The following FANCA variants were observed in gnomAD, a reference collection of about 807,000 sequenced individuals.
FANCA encodes FA complementation group A, also known as Fanconi anemia group A protein.
Under a neutral mutation model 194.3 loss-of-function variants are expected in FANCA, and 236 were observed. That is an observed-to-expected ratio of 1.21 (90% CI 1.09 to 1.35). FANCA has a LOEUF of 1.35. Among genes scored for constraint, FANCA ranks in the 40% most tolerant of loss-of-function variants. The pLI, the probability that FANCA is intolerant of heterozygous loss-of-function variation, is 0.00. For synonymous variants in FANCA, 1,014 were observed against 715.8 expected, an observed-to-expected ratio of 1.42 and a Z score of -6.65; for missense variants, 2,628 against 1,813.9, an observed-to-expected ratio of 1.45 and a Z score of -8.15.
At chr16:89,767,032 G>A in intron 27 of FANCA, 109 bp downstream of exon 27, 1 of 889,712 alleles carries the variant, frequency 1.1e-6, no homozygotes, top group Non-Finnish European at 1.9e-6. Flanking sequence ...CCCAGGAGCT[G>A]CCCCTGAGAT....
chr16:89,756,632 A>C (rs2038776254), intron 30 of FANCA, among the ~76,000 whole-genome samples: 1 of 152,142 alleles, frequency 6.6e-6, no homozygotes, highest in South Asian at 2.1e-4. Flanking sequence ...AATAAATATA[A>C]ATAAGACAAA....
intron 17 of FANCA, 52 bp from the exon 18 acceptor site, chr16:89,780,009 A>C: frequency 6.5e-7 from 1 of 1,528,206 alleles, no homozygotes; most frequent in Non-Finnish European, 9.1e-7. Context: ...TTTAAAGAAA[A>C]GACTGAGCAG....
intron 8 of FANCA, among the ~76,000 whole-genome samples, chr16:89,801,451 C>CA (rs1470774884): frequency 5.3e-5 from 8 of 151,048 alleles, no homozygotes; most frequent in African/African-American, 2.0e-4. Flanking sequence ...ATCAAGAAAA[C>CA]AAAAAATAAC....
intron 2 of FANCA, 48 bp from the exon 3 acceptor site, chr16:89,814,661 G>T: frequency 7.0e-7 from 1 of 1,426,138 alleles, no homozygotes; most frequent in Non-Finnish European, 9.9e-7. Flanking sequence ...TCAAGCTCCA[G>T]GCCAGGCGTA....
intron 36 of FANCA, among the ~76,000 whole-genome samples, chr16:89,744,305 A>T (rs1182069169): frequency 2.0e-5 from 3 of 152,202 alleles, no homozygotes; most frequent in Non-Finnish European, 4.4e-5. Flanking sequence ...AGGAGGCAGG[A>T]TGGGTACTAG....
At chr16:89,816,217 G>A in intron 1 of FANCA, 2 of 527,722 alleles carry the variant, frequency 3.8e-6, no homozygotes, top group East Asian at 7.0e-5. Context: ...GGGGACGGCT[G>A]GCGAGGGGCG....
rs1193557421 is a variant in FANCA at position 89,799,231 on chromosome 16, A to T, written c.828T>A (p.Phe276Leu). Reference sequence around the variant, plus strand: ...CTCCAGCAGCCAAAGCGTCAAGTGCAACTGAAGACAGAGCCAGGAACAGAA... The same window carrying T: ...CTCCAGCAGCCAAAGCGTCAAGTGCTACTGAAGACAGAGCCAGGAACAGAA... ...TVDVLQRMLI[F>L]ALDALAAGVQ... Residue 276 changes from phenylalanine (F) to leucine (L), a missense_variant and splice_region_variant, in exon 10 of 43, where the codon TTT becomes TTA. Phe to Leu is a conservative substitution (Grantham distance 22, BLOSUM62 0). Coordinates refer to ENST00000389301, the MANE Select transcript of FANCA (RefSeq NM_000135.4). The T allele has an allele frequency of 6.2e-7, 1 of 1,614,104 alleles. No homozygotes were observed. Among genetic ancestry groups the T allele is most frequent in the Non-Finnish European group, 8.5e-7 (1 of 1,180,046 alleles).
chr16:89,748,328 G>A (rs2143123582), intron 33 of FANCA, among the ~76,000 whole-genome samples: 1 of 152,342 alleles, frequency 6.6e-6, no homozygotes, highest in African/African-American at 2.4e-5. Flanking sequence ...CATGAAGCAT[G>A]TTGAGATTAG....
intron 35 of FANCA, among the ~76,000 whole-genome samples, chr16:89,746,307 G>A (rs943379292): frequency 4.6e-5 from 7 of 152,324 alleles, no homozygotes; most frequent in Admixed American, 4.6e-4. Context: ...CTGTGGACAT[G>A]AAGGTGCCCG....
intron 37 of FANCA, among the ~76,000 whole-genome samples, chr16:89,742,561 G>A (rs1362289779): frequency 1.3e-5 from 2 of 150,372 alleles, no homozygotes; most frequent in South Asian, 2.1e-4. Context: ...TGTAATCCCA[G>A]CACTTTGGGA....
rs746125523 is a variant in FANCA at position 89,814,538 on chromosome 16, G to A, written c.265C>T (p.His89Tyr). ...DCDSSEAYAN[H>Y]SSSFIGSALQ... ...AACTTACCTATAAATGAACTAGAAT[G>A]ATTAGCATAGGCCTCAGAACTGTCA... The change falls in exon 3 of 43, where the codon CAT (histidine) becomes TAT (tyrosine). Residue 89 changes from histidine (H) to tyrosine (Y), a missense_variant. Coordinates refer to ENST00000389301, the MANE Select transcript of FANCA (RefSeq NM_000135.4). The A allele has an allele frequency of 1.4e-5, 22 of 1,612,394 alleles. No individual in the cohort carries two copies. In the Admixed American group the frequency reaches 2.7e-4, roughly 20 times the overall value.
chr16:89,740,473 A>G (rs938178257), intron 38 of FANCA: 4 of 458,238 alleles, frequency 8.7e-6, no homozygotes, highest in Non-Finnish European at 1.6e-5. Flanking sequence ...CGTCTCTACT[A>G]AAAATACAAA....
intron 3 of FANCA, among the ~76,000 whole-genome samples, chr16:89,812,887 G>A (rs936946992): frequency 2.0e-5 from 3 of 151,364 alleles, no homozygotes; most frequent in Non-Finnish European, 4.4e-5. Context: ...ACAAAAATTA[G>A]CTGGGTGCGG....
At chr16:89,759,986 C>G (rs3819573) in intron 29 of FANCA, among the ~76,000 whole-genome samples, 8,341 of 149,782 alleles carry the variant, frequency 0.056, 360 homozygotes, top group East Asian at 0.21. Flanking sequence ...CCCACGCTGT[C>G]CGGGACCGGG....
intron 41 of FANCA, 59 bp from the exon 42 acceptor site, chr16:89,739,033 G>A (rs1388883287): frequency 1.9e-6 from 3 of 1,614,054 alleles, no homozygotes; most frequent in Admixed American, 1.7e-5. Context: ...GGGCTGGTGT[G>A]TCCCCCATAG....
intron 20 of FANCA, 82 bp from the exon 21 acceptor site, chr16:89,775,897 A>T (rs1426904131): frequency 1.2e-6 from 1 of 826,494 alleles, no homozygotes; most frequent in African/African-American, 1.7e-5. Context: ...CTATTATAAA[A>T]TAAAAACATA....
chr16:89,748,818 C>A (rs757265425), intron 32 of FANCA, 51 bp from the exon 33 acceptor site: 2 of 1,467,170 alleles, frequency 1.4e-6, no homozygotes, highest in African/African-American at 1.4e-5. Flanking sequence ...ACACTCTGCT[C>A]CTTCCCAAGG....
chr16:89,767,326 T>G, intron 26 of FANCA, 89 bp from the exon 27 acceptor site: 2 of 943,978 alleles, frequency 2.1e-6, no homozygotes, highest in South Asian at 2.7e-5. Flanking sequence ...AAAACTGAAT[T>G]TAGTGCATTC....
chr16:89,767,000 TGCCCCATGACAGCCA>T, intron 27 of FANCA, 126 bp downstream of exon 27: 1 of 740,804 alleles, frequency 1.3e-6, no homozygotes, highest in Non-Finnish European at 2.4e-6. Flanking sequence ...ACTCAGGAGC[TGCCCCATGACAGCCA>T]GCCTGACCCA....
Sources: allele counts gnomAD v4.1 joint callset (sites outside exome capture counted in the v4.1 genomes callset), GRCh38; gene constraint gnomAD v4.1.1; transcripts MANE v1.5; gene names NCBI Gene and HGNC (gene_info 2026-07-23, HGNC 2026-07-21).